The following P4HA1 variants were observed in gnomAD, a reference collection of about 807,000 sequenced individuals.
P4HA1 encodes the protein prolyl 4-hydroxylase subunit alpha 1.
In P4HA1, 24 loss-of-function variants were observed where a neutral mutation model predicts 72.8. That is an observed-to-expected ratio of 0.33 (90% confidence interval 0.24 to 0.46). P4HA1 has a LOEUF of 0.46. P4HA1 is among the 20% of genes least tolerant of loss of function. The probability of loss-of-function intolerance (pLI) is 1.00; values close to 1 mark genes in which losing one functional copy is unlikely to be tolerated. For missense variants in P4HA1, 446 were observed against 640.6 expected, an observed-to-expected ratio of 0.70 and a Z score of 3.28; for synonymous variants, 201 against 218.8, an observed-to-expected ratio of 0.92 and a Z score of 0.72.
At chr10:73,028,541 C>A (rs984982846) in intron 10 of P4HA1, among the ~76,000 whole-genome samples, 1 of 152,094 alleles carries the variant, frequency 6.6e-6, no homozygotes, top group African/African-American at 2.4e-5. Flanking sequence ...AAGCAATTCT[C>A]CTACCTCAGC....
intron 1 of P4HA1, among the ~76,000 whole-genome samples, chr10:73,088,196 GA>G (rs1488897114): frequency 6.6e-6 from 1 of 152,056 alleles, no homozygotes; most frequent in Non-Finnish European, 1.5e-5. Flanking sequence ...CCCGGCCTAC[GA>G]ACCATTTTGA....
intron 10 of P4HA1, among the ~76,000 whole-genome samples, chr10:73,023,808 G>GA (rs1229563598): frequency 0.03 from 2,556 of 85,142 alleles, 46 homozygotes; most frequent in African/African-American, 0.061. Flanking sequence ...CAAATGGAAA[G>GA]AAAAAAAAAA....
rs1229563598 is a variant in P4HA1 at position 73,023,808 on chromosome 10, G to GAAAA, written c.1248+6459_1248+6462dup. ...GGAAGATCTACGAAGCAAATGGAAA[G>GAAAA]AAAAAAAAAAAAAAAAGCAGCGGCT... On this transcript the variant is annotated intron_variant, in intron 10 of 14. Transcript: ENST00000394890. Among the ~76,000 whole-genome samples the GAAAA allele has an allele frequency of 9.2e-3, 781 of 85,174 alleles. 12 individuals are homozygous for GAAAA. The highest frequency in any genetic ancestry group is 0.029 in the South Asian group (83 of 2,892). The allele number at this position is 85,174 out of a possible 152,430, so 55.9% of individuals were successfully genotyped here.
chr10:73,056,800 C>A (rs1841157399), intron 5 of P4HA1, among the ~76,000 whole-genome samples: 1 of 152,160 alleles, frequency 6.6e-6, no homozygotes, highest in South Asian at 2.1e-4. Flanking sequence ...GTGGCTCACG[C>A]CTGTAATCCC....
At chr10:73,089,049 A>G (rs1376197562) in intron 1 of P4HA1, among the ~76,000 whole-genome samples, 1 of 152,204 alleles carries the variant, frequency 6.6e-6, no homozygotes, top group Non-Finnish European at 1.5e-5. Context: ...TGGACTAGAA[A>G]TGTGCTGAAT....
At chr10:73,093,040 A>G (rs1015355054) in intron 1 of P4HA1, among the ~76,000 whole-genome samples, 9 of 151,680 alleles carry the variant, frequency 5.9e-5, no homozygotes, top group African/African-American at 2.2e-4. Context: ...GGATTGCTTG[A>G]GCCCAGGAGT....
intron 10 of P4HA1, among the ~76,000 whole-genome samples, chr10:73,028,477 G>A (rs557035530): frequency 2.0e-5 from 3 of 152,148 alleles, no homozygotes; most frequent in South Asian, 4.2e-4. Flanking sequence ...CGTTGCCCAG[G>A]CTGGAGTGCA....
At chr10:73,080,002 T>C (rs1725865394) in intron 1 of P4HA1, among the ~76,000 whole-genome samples, 1 of 152,070 alleles carries the variant, frequency 6.6e-6, no homozygotes, top group Non-Finnish European at 1.5e-5. Context: ...AACTTGGGGC[T>C]CTCCTGTGAC....
chr10:73,050,910 G>A, intron 7 of P4HA1, 143 bp downstream of exon 7: 1 of 723,450 alleles, frequency 1.4e-6, no homozygotes, highest in Non-Finnish European at 2.4e-6. Context: ...TGTTGCCTAA[G>A]CTGACATACT....
chr10:73,009,703 C>T, intron 14 of P4HA1, 104 bp downstream of exon 14: 2 of 613,930 alleles, frequency 3.3e-6, no homozygotes. Flanking sequence ...ATGTTAAAAT[C>T]ATATTAAGCA....
chr10:73,020,427 AAAAAC>A (rs370349687), intron 10 of P4HA1, among the ~76,000 whole-genome samples: 4 of 152,100 alleles, frequency 2.6e-5, no homozygotes, highest in African/African-American at 9.7e-5. Context: ...AAAAAAACAA[AAAAAC>A]AACCTACTAA....
intron 2 of P4HA1, 31 bp from the exon 3 acceptor site, chr10:73,073,858 A>G (rs560157533): frequency 1.0e-6 from 1 of 961,838 alleles, no homozygotes; most frequent in East Asian, 2.4e-5. Flanking sequence ...TCAAATACTC[A>G]TATCCTTCAA....
intron 9 of P4HA1, 104 bp from the exon 10 acceptor site, chr10:73,030,474 C>A: frequency 2.1e-6 from 1 of 467,456 alleles, no homozygotes; most frequent in South Asian, 7.7e-5. Context: ...GGACAATAAA[C>A]CTTTACTGAA....
In P4HA1 at chr10:73,053,485, G is replaced by A. The variant is rs1391948880; in HGVS notation, c.569C>T (p.Ala190Val). 2 of 1,613,946 alleles carry A rather than the reference G, an allele frequency of 1.2e-6. No homozygotes were observed. Among genetic ancestry groups the A allele is most frequent in the Admixed American group, 1.7e-5 (1 of 59,994 alleles). ...YYHTELWMEQ[A>V]LRQLDEGEIS... ...CTCGCCTTCATCCAGTTGCCTTAGGGCTTGTTCCATCCACAGTTCCGTATG... is the reference window on the plus strand; with the variant it reads ...CTCGCCTTCATCCAGTTGCCTTAGGACTTGTTCCATCCACAGTTCCGTATG... The change falls in exon 6 of 15, where the codon GCC (alanine) becomes GTC (valine). Residue 190 changes from alanine to valine, a missense_variant. Transcript: ENST00000394890.
chr10:73,014,401 G>T, intron 11 of P4HA1, 112 bp from the exon 12 acceptor site: 4 of 773,818 alleles, frequency 5.2e-6, no homozygotes, highest in Non-Finnish European at 8.8e-6. Context: ...AACAACAACC[G>T]CAAAAGTTTC....
intron 14 of P4HA1, 78 bp downstream of exon 14, chr10:73,009,729 G>T: frequency 1.2e-6 from 1 of 806,780 alleles, no homozygotes; most frequent in Non-Finnish European, 2.1e-6. Context: ...GGGGGCTTTT[G>T]TTTTTAAGAC....
intron 10 of P4HA1, among the ~76,000 whole-genome samples, chr10:73,021,107 C>G (rs550865800): frequency 2.4e-4 from 36 of 152,184 alleles, no homozygotes; most frequent in African/African-American, 8.7e-4. Context: ...TGCACTCCAG[C>G]CTGGGCAAGA....
intron 1 of P4HA1, among the ~76,000 whole-genome samples, chr10:73,093,121 TAAAAA>T (rs200388165): frequency 7.4e-6 from 1 of 135,368 alleles, no homozygotes; most frequent in African/African-American, 2.7e-5. Context: ...TCCTATCTCT[TAAAAA>T]AAAAAAAAAA....
rs953746174 is a variant in P4HA1 at position 73,092,137 on chromosome 10, C to G, written c.-33+4629G>C. 3.3e-5 allele frequency among the ~76,000 whole-genome samples: 5 copies of G among 152,020 alleles called. No individual in the cohort carries two copies. The East Asian group carries it at 9.6e-4, about 29-fold the overall frequency. On this transcript the variant is annotated intron_variant, in intron 1 of 14. Transcript: ENST00000394890. The stretch of plus-strand genomic sequence containing the variant: ...CAAAATAAGACCATGTATACTAGAA[C>G]AGGGAAAAATGAATTCATGGTTGTA...
Sources: allele counts gnomAD v4.1 joint callset (sites outside exome capture counted in the v4.1 genomes callset), GRCh38; gene constraint gnomAD v4.1.1; transcripts MANE v1.5; gene names NCBI Gene and HGNC (gene_info 2026-07-23, HGNC 2026-07-21).